WDPCP: variants seen among roughly 807,000 people sequenced by gnomAD.
WDPCP encodes the protein WD repeat-containing and planar cell polarity effector protein fritz homolog.
WDPCP carries 71 observed loss-of-function variants against 93.1 expected under a neutral mutation model. The observed-to-expected ratio is 0.76, with a 90% CI of 0.63 to 0.93. The LOEUF (loss-of-function observed/expected upper bound fraction) is 0.93. Ranked by LOEUF, WDPCP falls within the 40% of genes least tolerant of loss-of-function variation. The probability of loss-of-function intolerance (pLI) is 0.00; values close to 1 mark genes in which losing one functional copy is unlikely to be tolerated. For synonymous variants in WDPCP, 315 were observed against 315.0 expected, an observed-to-expected ratio of 1.00 and a Z score of 0.00; for missense variants, 844 against 887.4, an observed-to-expected ratio of 0.95 and a Z score of 0.62.
At chr2:63,651,937 T>C (rs951734100) in intron 2 of WDPCP, among the ~76,000 whole-genome samples, 3 of 152,212 alleles carry the variant, frequency 2.0e-5, no homozygotes, top group Non-Finnish European at 4.4e-5. Flanking sequence ...TATCTGGCCG[T>C]GTGTTCCTGG....
At chr2:63,686,511 T>A (rs1668805687) in intron 2 of WDPCP, among the ~76,000 whole-genome samples, 1 of 152,180 alleles carries the variant, frequency 6.6e-6, no homozygotes, top group Non-Finnish European at 1.5e-5. Flanking sequence ...AATGTCCTAC[T>A]ACCCAAAGTA....
intron 2 of WDPCP, among the ~76,000 whole-genome samples, chr2:63,671,288 A>G (rs1280368545): frequency 6.6e-6 from 1 of 152,190 alleles, no homozygotes; most frequent in African/African-American, 2.4e-5. Flanking sequence ...GGCTGCTCCT[A>G]GCCAATGACA....
chr2:63,521,729 T>C (rs1253828647), intron 1 of WDPCP, among the ~76,000 whole-genome samples: 1 of 152,148 alleles, frequency 6.6e-6, no homozygotes, highest in Non-Finnish European at 1.5e-5. Flanking sequence ...TGAATATACA[T>C]TTCTCTCATC....
intron 2 of WDPCP, among the ~76,000 whole-genome samples, chr2:63,662,121 T>G (rs987395956): frequency 1.3e-5 from 2 of 152,140 alleles, no homozygotes; most frequent in African/African-American, 4.8e-5. Flanking sequence ...AGAGGTCAAA[T>G]GACTTGCCCT....
At chr2:63,721,646 T>C (rs1195702752) in intron 2 of WDPCP, among the ~76,000 whole-genome samples, 1 of 152,126 alleles carries the variant, frequency 6.6e-6, no homozygotes, top group Admixed American at 6.5e-5. Flanking sequence ...TTTTCCTATT[T>C]CTGGGCCTTC....
chr2:63,724,806 T>A (rs1232272989), intron 2 of WDPCP, among the ~76,000 whole-genome samples: 1 of 152,194 alleles, frequency 6.6e-6, no homozygotes, highest in Non-Finnish European at 1.5e-5. Context: ...GAGAGGTTTG[T>A]CACTGAACTG....
At chr2:63,737,130 C>T (rs778273890) in intron 2 of WDPCP, among the ~76,000 whole-genome samples, 2 of 152,122 alleles carry the variant, frequency 1.3e-5, no homozygotes, top group Non-Finnish European at 2.9e-5. Flanking sequence ...CACAATTCTC[C>T]ATGCCTGATA....
intron 2 of WDPCP, among the ~76,000 whole-genome samples, chr2:63,778,310 C>T (rs887853880): frequency 1.3e-5 from 2 of 151,966 alleles, no homozygotes; most frequent in Admixed American, 6.6e-5. Flanking sequence ...CAACTTCAAG[C>T]GATTCTCCTT....
intron 17 of WDPCP, among the ~76,000 whole-genome samples, chr2:63,128,415 A>G (rs1670065076): frequency 6.6e-6 from 1 of 152,128 alleles, no homozygotes; most frequent in Admixed American, 6.5e-5. Context: ...GAATGTTCCC[A>G]AGAGGTAACT....
intron 15 of WDPCP, among the ~76,000 whole-genome samples, chr2:63,170,884 C>A (rs1234991219): frequency 6.6e-6 from 1 of 151,952 alleles, no homozygotes; most frequent in African/African-American, 2.4e-5. Flanking sequence ...ATCAATAGAG[C>A]AGAATGACAA....
chr2:63,249,286 G>A (rs138708102), intron 14 of WDPCP, among the ~76,000 whole-genome samples: 2 of 152,202 alleles, frequency 1.3e-5, no homozygotes, highest in Non-Finnish European at 2.9e-5. Context: ...CCTGTGTGTG[G>A]CTTTCTCAAT....
chr2:63,738,447 C>T (rs1669670340), intron 2 of WDPCP, among the ~76,000 whole-genome samples: 1 of 148,066 alleles, frequency 6.8e-6, no homozygotes, highest in East Asian at 1.9e-4. Context: ...GCACATAGAT[C>T]TGCTTGATAT....
At chr2:63,550,302 T>G (rs1479055100) in intron 1 of WDPCP, among the ~76,000 whole-genome samples, 2 of 152,026 alleles carry the variant, frequency 1.3e-5, no homozygotes, top group African/African-American at 4.8e-5. Flanking sequence ...TTGAAAGAGT[T>G]TTCTTCATGT....
chr2:63,719,669 AGAATG>A (rs1669388304), intron 2 of WDPCP, among the ~76,000 whole-genome samples: 1 of 152,154 alleles, frequency 6.6e-6, no homozygotes, highest in Non-Finnish European at 1.5e-5. Flanking sequence ...CTTGTTCCCA[AGAATG>A]TATGTTCCCA....
chr2:63,585,065 C>T (rs903241317), intron 1 of WDPCP, among the ~76,000 whole-genome samples: 1 of 152,126 alleles, frequency 6.6e-6, no homozygotes, highest in Non-Finnish European at 1.5e-5. Flanking sequence ...TGTATTTCAC[C>T]ATTCCTGAAA....
chr2:63,233,018 C>CCCCCAT (rs1679061801), intron 14 of WDPCP: 1 of 157,880 alleles, frequency 6.3e-6, no homozygotes, highest in African/African-American at 2.4e-5. Flanking sequence ...TCTGAGCAGC[C>CCCCCAT]CCCCATGTTG....
intron 3 of WDPCP, among the ~76,000 whole-genome samples, chr2:63,627,909 C>A (rs958626832): frequency 2.6e-5 from 4 of 152,218 alleles, no homozygotes; most frequent in African/African-American, 9.6e-5. Context: ...AGAGCAACTG[C>A]CTGACGCAAA....
chr2:63,396,488 A>G (rs1189890291), intron 10 of WDPCP, among the ~76,000 whole-genome samples: 2 of 152,116 alleles, frequency 1.3e-5, no homozygotes, highest in East Asian at 1.9e-4. Context: ...TGCACACTCT[A>G]TGAGGGCATT....
At chr2:63,259,906 TC>T (rs1326119854) in intron 13 of WDPCP, among the ~76,000 whole-genome samples, 3 of 152,196 alleles carry the variant, frequency 2.0e-5, no homozygotes, top group African/African-American at 7.2e-5. Context: ...AGTATGGCGA[TC>T]AATTATAATA....
Sources: allele counts gnomAD v4.1 joint callset (sites outside exome capture counted in the v4.1 genomes callset), GRCh38; gene constraint gnomAD v4.1.1; transcripts MANE v1.5; gene names NCBI Gene and HGNC (gene_info 2026-07-23, HGNC 2026-07-21).